The following SLC22A6 variants were observed in gnomAD, a reference collection of about 807,000 sequenced individuals.
The protein encoded by SLC22A6 is PAH transporter.
Under a neutral mutation model 56.7 loss-of-function variants are expected in SLC22A6, and 45 were observed. That is an observed-to-expected ratio of 0.79 (90% CI 0.63 to 1.02). The LOEUF (loss-of-function observed/expected upper bound fraction) is 1.02, where lower values mean the gene tolerates loss of function less well. Among genes scored for constraint, SLC22A6 ranks in the 50% least tolerant of loss-of-function variants. The pLI, the probability that SLC22A6 is intolerant of heterozygous loss-of-function variation, is 0.00. For missense variants in SLC22A6, 606 were observed against 713.8 expected (o/e 0.85, Z 1.72); for synonymous variants, 291 against 295.9 (o/e 0.98, Z 0.17).
chr11:62,984,272 G>A, intron 1 of SLC22A6, 50 bp downstream of exon 1: 1 of 1,552,530 alleles, frequency 6.4e-7, no homozygotes, highest in Non-Finnish European at 8.7e-7. Context: ...TTTAACAAAG[G>A]CCCCCATCTT....
chr11:62,979,560 C>G lies in SLC22A6; in HGVS notation c.1289G>C (p.Gly430Ala). 6.2e-7 allele frequency: 1 copy of G among 1,614,156 alleles called. No individual in the cohort carries two copies. The highest frequency in any genetic ancestry group is 1.1e-5 in the South Asian group (1 of 91,076). Residue 430 changes from glycine to alanine, a missense_variant, in exon 8 of 10, where the codon GGG becomes GCG. By Grantham distance (60) the Gly-to-Ala change is moderately conservative. Coordinates refer to ENST00000360421, the MANE Select transcript of SLC22A6 (RefSeq NM_153276.3). ...GAAGGAGGCAGCCAGACAACCCTTC[C>G]CCAGCACAGCAAGAGAGGTTCGGAC... ...SIVRTSLAVL[G>A]KGCLAASFNC... is the part of the protein sequence containing the mutation.
Position 62,981,279 on chromosome 11 carries a change from C to T in SLC22A6, c.902G>A (p.Gly301Glu). 1.9e-6 allele frequency: 3 copies of T among 1,609,496 alleles called. No homozygotes were observed. Among genetic ancestry groups the T allele is most frequent in the Non-Finnish European group, 2.5e-6 (3 of 1,178,186 alleles). Residue 301 changes from glycine to glutamate, a missense_variant, in exon 5 of 10, where the codon GGA becomes GAA. Physicochemically the swap from Gly to Glu is moderately conservative, Grantham distance 98. Transcript: ENST00000360421. ...TCTCACCTCCATACTCAATTTGGCT[C>T]CTTCTTCCCGCTTCCCATTGATCCG... is the stretch of plus-strand genomic sequence containing the variant. ...VARINGKREE[G>E]AKLSMEVLRA... is the part of the protein sequence containing the mutation.
chr11:62,982,368 C>G (rs1447662479), intron 3 of SLC22A6, among the ~76,000 whole-genome samples: 1 of 152,200 alleles, frequency 6.6e-6, no homozygotes, highest in Admixed American at 6.5e-5. Flanking sequence ...GGATTCCACT[C>G]TCAGTGGCCA....
chr11:62,981,818 C>T (rs1371884962), intron 4 of SLC22A6, 24 bp downstream of exon 4: 3 of 1,588,830 alleles, frequency 1.9e-6, no homozygotes, highest in African/African-American at 1.3e-5. Flanking sequence ...GTGGCAACCA[C>T]CTCCAACCCT....
chr11:62,981,709 C>T (rs2086257416), intron 4 of SLC22A6, 133 bp downstream of exon 4: 16 of 897,612 alleles, frequency 1.8e-5, no homozygotes, highest in Non-Finnish European at 2.6e-5. Flanking sequence ...ATCTGTCACA[C>T]AGAGGCATTG....
chr11:62,980,971 C>A lies in SLC22A6; in HGVS notation c.1037+14G>T. On this transcript the variant is annotated intron_variant, in intron 6 of 9. Transcript: ENST00000360421. ...CAGCCTTTTGTCTCAGTCTGTCTGT[C>A]TTTCTGGGCCTACCACAGCATGGAG... is the stretch of plus-strand genomic sequence containing the variant. 1 of 1,585,134 alleles carries A rather than the reference C, an allele frequency of 6.3e-7. No individual in the cohort carries two copies. The highest frequency in any genetic ancestry group is 8.6e-7 in the Non-Finnish European group (1 of 1,162,050).
intron 1 of SLC22A6, 72 bp downstream of exon 1, chr11:62,984,250 T>TC: frequency 7.9e-6 from 1 of 127,172 alleles, no homozygotes; most frequent in Non-Finnish European, 1.3e-5. Flanking sequence ...CTCCATGTAC[T>TC]TTTTTTTTTT....
rs1485752230 is a variant in SLC22A6, at chr11:62,981,959, C to G, written c.680G>C (p.Gly227Ala). The G allele has an allele frequency of 5.0e-6, 8 of 1,614,152 alleles. No individual in the cohort carries two copies. Among genetic ancestry groups the G allele is most frequent in the Non-Finnish European group, 6.8e-6 (8 of 1,180,008 alleles). Residue 227 changes from glycine (G) to alanine (A), a missense_variant, in exon 4 of 10, where the codon GGC becomes GCC. By Grantham distance (60) the Gly-to-Ala change is moderately conservative. Coordinates refer to ENST00000360421, the MANE Select transcript of SLC22A6 (RefSeq NM_153276.3). ...HTRACVGTLI[G>A]YVYSLGQFLL... ...GAACTGGCCCAGGCTGTAGACATAG[C>G]CAATCAAGGTGCCCACGCAGGCCCG...
At chr11:62,981,506 G>T in intron 4 of SLC22A6, 123 bp from the exon 5 acceptor site, 1 of 673,684 alleles carries the variant, frequency 1.5e-6, no homozygotes, top group Non-Finnish European at 2.5e-6. Flanking sequence ...GAACCCAGGG[G>T]CCTTGCCAAA....
At chr11:62,980,856 G>T in intron 6 of SLC22A6, 129 bp downstream of exon 6, 1 of 705,642 alleles carries the variant, frequency 1.4e-6, no homozygotes, top group Non-Finnish European at 2.4e-6. Context: ...GATCCCTAGT[G>T]TGGGGTTACT....
At chr11:62,980,925 T>G in intron 6 of SLC22A6, 60 bp downstream of exon 6, 2 of 1,414,934 alleles carry the variant, frequency 1.4e-6, no homozygotes, top group Non-Finnish European at 1.9e-6. Context: ...TTTCACCCAT[T>G]GTGTCTCCTC....
chr11:62,981,122 A>G (rs766549276), intron 5 of SLC22A6, 22 bp from the exon 6 acceptor site: 1 of 1,608,582 alleles, frequency 6.2e-7, no homozygotes, highest in African/African-American at 1.3e-5. Context: ...GGCAGAGCTC[A>G]GGGCCCGGGA....
Position 62,983,785 on chromosome 11 carries a change from G to A in SLC22A6, c.474-94C>T. ...GAGGGCTCACCCTGGATGATGCCTG[G>A]GCTGGGGCCTTTTGAGGACCTCTGA... On this transcript the variant is annotated intron_variant, in intron 2 of 9. Coordinates refer to ENST00000360421, the MANE Select transcript of SLC22A6 (RefSeq NM_153276.3). This position sits in a 1 kb window ranked among gnomAD's most constrained non-coding sequence, Gnocchi z 4.5. 7.3e-7 allele frequency: 1 copy of A among 1,361,052 alleles called. No homozygotes were observed. Among genetic ancestry groups the A allele is most frequent in the Non-Finnish European group, 1.0e-6 (1 of 998,528 alleles). The allele number at this position is 1,361,052 out of a possible 1,614,324, so 84.3% of individuals were successfully genotyped here.
At chr11:62,980,589 A>C (rs1565285566) in intron 6 of SLC22A6, among the ~76,000 whole-genome samples, 1 of 152,234 alleles carries the variant, frequency 6.6e-6, no homozygotes, top group Non-Finnish European at 1.5e-5. Flanking sequence ...TGTTCTTTGG[A>C]GATGAGTTTT....
chr11:62,977,477 C>T (rs1033989111), intron 8 of SLC22A6, 90 bp from the exon 9 acceptor site: 9 of 1,452,306 alleles, frequency 6.2e-6, no homozygotes, highest in African/African-American at 2.8e-5. Flanking sequence ...AGCTCAGGCT[C>T]AGCCCCCAGG....
In SLC22A6 at chr11:62,984,780, G is replaced by A; in HGVS notation, c.-90C>T. 3 of 1,416,494 alleles carry A rather than the reference G, an allele frequency of 2.1e-6. No homozygotes were observed. The highest frequency in any genetic ancestry group is 2.8e-5 in the South Asian group (2 of 72,132). The allele number at this position is 1,416,494 out of a possible 1,614,324, so 87.7% of individuals were successfully genotyped here. ...GCCTGCCTGCTGTCCTTCGCTGGAGGAGCAGCACTGCCGTTGCCTCCGCAG... is the reference window on the plus strand; with the variant it reads ...GCCTGCCTGCTGTCCTTCGCTGGAGAAGCAGCACTGCCGTTGCCTCCGCAG... On this transcript the variant is annotated 5_prime_UTR_variant, in exon 1 of 10. Transcript: ENST00000360421.
At position 62,977,326 on chromosome 11, in the gene SLC22A6, C is replaced by A. The variant is rs200793507; in HGVS notation, c.1423G>T (p.Val475Leu). Residue 475 changes from valine to leucine, a missense_variant, in exon 9 of 10, where the codon GTG becomes TTG. Transcript: ENST00000360421. ...ARVGSIVSPL[V>L]SMTAELYPSM... ...GGGTAGAGCTCGGCAGTCATGCTCACCAGTGGGCTCACGATGCTGCCCACT... is the reference window on the plus strand; with the variant it reads ...GGGTAGAGCTCGGCAGTCATGCTCAACAGTGGGCTCACGATGCTGCCCACT... 5.1e-5 allele frequency: 82 copies of A among 1,613,464 alleles called. 1 individual carries two copies. The Admixed American group carries it at 6.8e-4, about 13-fold the overall frequency.
Position 62,979,940 on chromosome 11 carries a change from G to C in SLC22A6, c.1046C>G (p.Thr349Ser), listed in dbSNP as rs1266444536. 1.9e-6 allele frequency: 3 copies of C among 1,613,258 alleles called. No individual in the cohort carries two copies. Among genetic ancestry groups the C allele is most frequent in the Middle Eastern group, 3.3e-4 (2 of 6,084 alleles). Residue 349 changes from threonine to serine, a missense_variant, in exon 7 of 10, where the codon ACT becomes AGT. Transcript: ENST00000360421. ...FLCLSMLWFA[T>S]SFAYYGLVMD... ...GACCAGCCCATAGTATGCAAAGCTA[G>C]TGGCAAACCTAGCAGAGAGAAGAGA... is the stretch of plus-strand genomic sequence containing the variant.
intron 8 of SLC22A6, among the ~76,000 whole-genome samples, chr11:62,977,619 C>T (rs1348219176): frequency 6.6e-6 from 1 of 152,172 alleles, no homozygotes; most frequent in Non-Finnish European, 1.5e-5. Context: ...TGGTCCTCCC[C>T]CACCACAGCT....
Sources: allele counts gnomAD v4.1 joint callset (sites outside exome capture counted in the v4.1 genomes callset), GRCh38; gene constraint gnomAD v4.1.1; non-coding constraint Gnocchi (gnomAD v3.1); transcripts MANE v1.5; gene names NCBI Gene and HGNC (gene_info 2026-07-23, HGNC 2026-07-21).